GATAD1: variants seen among roughly 807,000 people sequenced by gnomAD.
The protein encoded by GATAD1 is GATA zinc finger domain-containing protein 1.
Under a neutral mutation model 26.5 loss-of-function variants are expected in GATAD1, and 12 were observed. That is an observed-to-expected ratio of 0.45 (90% CI 0.29 to 0.73). GATAD1 has a LOEUF of 0.73. GATAD1 is among the 30% of genes least tolerant of loss of function. The pLI is 0.10. For missense variants in GATAD1, 266 were observed against 342.1 expected, an observed-to-expected ratio of 0.78 and a Z score of 1.75; for synonymous variants, 129 against 133.1, an observed-to-expected ratio of 0.97 and a Z score of 0.21.
In GATAD1 at chr7:92,458,163, T is replaced by C. The variant is rs1789765766; in HGVS notation, c.*1601T>C. ...AAAGAAAAAAAAGAAAAAATTTTAA[T>C]TTAATCCTTCTGTAGAAACAGGCAT... On this transcript the variant is annotated 3_prime_UTR_variant, in exon 5 of 5. Transcript: ENST00000287957. The C allele has an allele frequency of 7.0e-6, 1 of 142,674 alleles. No individual in the cohort carries two copies. Among genetic ancestry groups the C allele is most frequent in the African/African-American group, 2.8e-5 (1 of 35,780 alleles). 8.8% of individuals were successfully genotyped at this position (142,674 alleles called of 1,614,324 possible). A position where few individuals can be genotyped will look rare whatever the true frequency, so the allele number is the denominator to read the frequency against.
chr7:92,482,341 A>G, the GATAD1 span, among the ~76,000 whole-genome samples: 1 of 152,230 alleles, frequency 6.6e-6, no homozygotes, highest in African/African-American at 2.4e-5. Flanking sequence ...GTTGGGTGCT[A>G]CAGGGTGGAT....
chr7:92,464,432 T>G (rs957628591), downstream of GATAD1, among the ~76,000 whole-genome samples: 5 of 152,190 alleles, frequency 3.3e-5, no homozygotes, highest in East Asian at 9.6e-4. Flanking sequence ...GTGGGCAAGA[T>G]GGACAGCCAT....
the GATAD1 span, chr7:92,469,741 T>G: frequency 2.6e-6 from 2 of 764,134 alleles, no homozygotes; most frequent in Admixed American, 3.4e-5. Context: ...GGAAGTGGTG[T>G]TTATTTCTGT....
chr7:92,487,384 A>G, the GATAD1 span: 1 of 789,582 alleles, frequency 1.3e-6, no homozygotes, highest in Non-Finnish European at 2.2e-6. Flanking sequence ...CATAGACACC[A>G]TTTTTTTCCT....
chr7:92,481,934 CAGAT>C, the GATAD1 span, among the ~76,000 whole-genome samples: 1 of 152,114 alleles, frequency 6.6e-6, no homozygotes, highest in African/African-American at 2.4e-5. Flanking sequence ...AGGTATGTAA[CAGAT>C]GGAGAAGAAA....
In GATAD1 at chr7:92,447,936, C is replaced by A; in HGVS notation, c.207C>A (p.Ser69=). Residue 69 remains serine (S), a synonymous_variant, in exon 1 of 5, where the codon TCC becomes TCA. Transcript: ENST00000287957. ...GCGCGGCGACCTTCGCCAGCACCTC[C>A]GCCACCCCTCCGCAGAGCAACGGGG... ...GFGAATFAST[S]ATPPQSNGGG... 8.1e-7 allele frequency: 1 copy of A among 1,241,502 alleles called. No individual in the cohort carries two copies. The highest frequency in any genetic ancestry group is 1.0e-6 in the Non-Finnish European group (1 of 994,984). 76.9% of individuals were successfully genotyped at this position (1,241,502 alleles called of 1,614,324 possible).
the GATAD1 span, among the ~76,000 whole-genome samples, chr7:92,483,910 G>A: frequency 5.9e-5 from 9 of 152,278 alleles, no homozygotes; most frequent in African/African-American, 2.2e-4. Context: ...AGATGGGTCT[G>A]TAGCAAAGGA....
the GATAD1 span, chr7:92,469,811 G>A: frequency 2.0e-5 from 15 of 768,312 alleles, no homozygotes; most frequent in Admixed American, 2.5e-4. Context: ...AAGTTCAGGG[G>A]GAGGCATATC....
chr7:92,454,037 T>C (rs930957501), intron 3 of GATAD1: 3 of 187,218 alleles, frequency 1.6e-5, no homozygotes, highest in African/African-American at 7.2e-5. Context: ...TTGATGATGC[T>C]ATGTCAGTGT....
At chr7:92,470,764 G>A in the GATAD1 span, 1 of 178,268 alleles carries the variant, frequency 5.6e-6, no homozygotes, top group Non-Finnish European at 1.3e-5. Flanking sequence ...TAAGTTGGCT[G>A]TCTTGGGTCA....
the GATAD1 span, chr7:92,487,555 G>C: frequency 7.5e-7 from 1 of 1,328,778 alleles, no homozygotes; most frequent in Middle Eastern, 1.9e-4. Context: ...AAAAAAGAAA[G>C]AGATAATTTA....
intron 4 of GATAD1, among the ~76,000 whole-genome samples, chr7:92,456,160 TTCAA>T (rs1176735442): frequency 6.6e-6 from 1 of 152,204 alleles, no homozygotes; most frequent in African/African-American, 2.4e-5. Flanking sequence ...GATGCAAGTG[TTCAA>T]TCACTGTTTT....
intron 2 of GATAD1, chr7:92,449,673 C>A (rs1585165220): frequency 1.4e-6 from 1 of 732,622 alleles, no homozygotes; most frequent in Non-Finnish European, 1.6e-6. Flanking sequence ...AGACTATTTT[C>A]TTTTTTTTTT....
the GATAD1 span, chr7:92,491,628 C>A: frequency 1.5e-6 from 1 of 658,206 alleles, no homozygotes. Flanking sequence ...TCAAAGAGCT[C>A]ATTAATTCTC....
rs972326457 is a variant in GATAD1, at chr7:92,447,510, G to C, written c.-220G>C. 3.3e-5 allele frequency: 13 copies of C among 397,422 alleles called. No homozygotes were observed. Among genetic ancestry groups the C allele is most frequent in the South Asian group, 2.2e-4 (4 of 18,410 alleles). The allele number at this position is 397,422 out of a possible 1,614,324, so 24.6% of individuals were successfully genotyped here. A position where few individuals can be genotyped will look rare whatever the true frequency, so the allele number is the denominator to read the frequency against. Reference sequence around the variant, plus strand: ...TCCCAGTCCTGCTTCCCAGTGCCTCGGGCCAGGGAATCCTGGCCTCCGCCT... The same window carrying C: ...TCCCAGTCCTGCTTCCCAGTGCCTCCGGCCAGGGAATCCTGGCCTCCGCCT... On this transcript the variant is annotated 5_prime_UTR_variant, in exon 1 of 5. Transcript: ENST00000287957.
chr7:92,458,739 C>T lies in GATAD1; in HGVS notation c.*2177C>T, dbSNP rs1789795542. 1 of 152,210 alleles carries T rather than the reference C, an allele frequency of 6.6e-6. No individual in the cohort carries two copies. The highest frequency in any genetic ancestry group is 2.4e-5 in the African/African-American group (1 of 41,448). The allele number at this position is 152,210 out of a possible 1,614,324, so 9.4% of individuals were successfully genotyped here. A position where few individuals can be genotyped will look rare whatever the true frequency, so the allele number is the denominator to read the frequency against. ...TAGGTAGCTACACGTACATAATTAT[C>T]TCTTTATTCACAAAGGGTATAGTAA... On this transcript the variant is annotated 3_prime_UTR_variant, in exon 5 of 5. Transcript: ENST00000287957.
At chr7:92,470,381 TGG>T in the GATAD1 span, 3 of 692,628 alleles carry the variant, frequency 4.3e-6, no homozygotes, top group South Asian at 5.0e-5. Flanking sequence ...GGGAGGGCCA[TGG>T]GGATTTATGA....
the GATAD1 span, chr7:92,487,431 A>C: frequency 1.5e-6 from 2 of 1,300,082 alleles, no homozygotes. Context: ...AAAACTTAAC[A>C]GAACCAAATC....
At chr7:92,449,455 A>G in intron 2 of GATAD1, 1 of 971,652 alleles carries the variant, frequency 1.0e-6, no homozygotes, top group Non-Finnish European at 1.2e-6. Flanking sequence ...GCATATTTTT[A>G]TTGCAATTAA....
Sources: allele counts gnomAD v4.1 joint callset (sites outside exome capture counted in the v4.1 genomes callset), GRCh38; gene constraint gnomAD v4.1.1; transcripts MANE v1.5; gene names NCBI Gene and HGNC (gene_info 2026-07-23, HGNC 2026-07-21).